Variants in LAMTOR2 observed in about 807,000 individuals in gnomAD.
The protein encoded by LAMTOR2 is ragulator complex protein LAMTOR2.
LAMTOR2 carries 4 observed loss-of-function variants against 15.8 expected under a neutral mutation model. That is an observed-to-expected ratio of 0.25 (90% CI 0.12 to 0.58). LAMTOR2 has a LOEUF of 0.58. Ranked by LOEUF, LAMTOR2 falls within the 20% of genes least tolerant of loss-of-function variation. LAMTOR2 has a pLI of 0.91. For missense variants in LAMTOR2, 100 were observed against 161.0 expected, an observed-to-expected ratio of 0.62 and a Z score of 2.05; for synonymous variants, 62 against 64.1, an observed-to-expected ratio of 0.97 and a Z score of 0.15.
Position 156,055,877 on chromosome 1 carries a change from C to A in LAMTOR2, c.231+452C>A. Reference sequence around the variant, plus strand: ...ACCATGGCAGTCTCCAGACCCTAGTCCAACCCCTTAAGCTTTCAAAGAAAG... The same window carrying A: ...ACCATGGCAGTCTCCAGACCCTAGTACAACCCCTTAAGCTTTCAAAGAAAG... On this transcript the variant is annotated intron_variant, in intron 2 of 3. Coordinates refer to ENST00000368305, the MANE Select transcript of LAMTOR2 (RefSeq NM_014017.4). The surrounding 1 kb of genome is among the most constrained non-coding windows in gnomAD (Gnocchi z 4.8). The A allele has an allele frequency of 4.8e-6, 1 of 210,076 alleles. No individual in the cohort carries two copies. The highest frequency in any genetic ancestry group is 9.9e-6 in the Non-Finnish European group (1 of 100,900). The allele number at this position is 210,076 out of a possible 1,614,324, so 13.0% of individuals were successfully genotyped here. A position where few individuals can be genotyped will look rare whatever the true frequency, so the allele number is the denominator to read the frequency against.
In LAMTOR2 at chr1:156,055,084, C is replaced by A; in HGVS notation, c.68+127C>A. On this transcript the variant is annotated intron_variant, in intron 1 of 3. Coordinates refer to ENST00000368305, the MANE Select transcript of LAMTOR2 (RefSeq NM_014017.4). The surrounding 1 kb of genome is among the most constrained non-coding windows in gnomAD (Gnocchi z 4.8). Reference sequence around the variant, plus strand: ...GCAGAGGGGGCAGCGGCTGGGGATACCGGCCGGGAGGTCCCCTGTCGAAAA... The same window carrying A: ...GCAGAGGGGGCAGCGGCTGGGGATAACGGCCGGGAGGTCCCCTGTCGAAAA... The A allele has an allele frequency of 2.9e-6, 4 of 1,366,360 alleles. No individual in the cohort carries two copies. Among genetic ancestry groups the A allele is most frequent in the Middle Eastern group, 2.5e-4 (1 of 3,962 alleles). 84.6% of individuals were successfully genotyped at this position (1,366,360 alleles called of 1,614,324 possible).
rs576303599 is a variant in LAMTOR2 at position 156,055,057 on chromosome 1, C to T, written c.68+100C>T. ...GAAGGATCACCAGGAAGGGAGGAAG[C>T]GGCAGAGGGGGCAGCGGCTGGGGAT... On this transcript the variant is annotated intron_variant, in intron 1 of 3. Transcript: ENST00000368305. This position sits in a 1 kb window ranked among gnomAD's most constrained non-coding sequence, Gnocchi z 4.8. 9 of 1,428,494 alleles carry T rather than the reference C, an allele frequency of 6.3e-6. No homozygotes were observed. The highest frequency in any genetic ancestry group is 2.4e-4 in the Middle Eastern group (1 of 4,198). 88.5% of individuals were successfully genotyped at this position (1,428,494 alleles called of 1,614,324 possible). A position where few individuals can be genotyped will look rare whatever the true frequency, so the allele number is the denominator to read the frequency against.
intron 2 of LAMTOR2, among the ~76,000 whole-genome samples, chr1:156,057,468 A>G (rs759322235): frequency 7.9e-5 from 12 of 151,070 alleles, no homozygotes; most frequent in Non-Finnish European, 1.2e-4. Context: ...AATATACTTC[A>G]TTTTTTCTTT....
At position 156,054,942 on chromosome 1, in the gene LAMTOR2, G is replaced by A; in HGVS notation, c.53G>A (p.Gly18Asp). The A allele has an allele frequency of 6.2e-7, 1 of 1,612,582 alleles. No homozygotes were observed. The highest frequency in any genetic ancestry group is 8.5e-7 in the Non-Finnish European group (1 of 1,179,752). Residue 18 changes from glycine to aspartate, a missense_variant, in exon 1 of 4, where the codon GGC becomes GAC. Physicochemically the swap from Gly to Asp is moderately conservative, Grantham distance 94 (BLOSUM62 -1). Coordinates refer to ENST00000368305, the MANE Select transcript of LAMTOR2 (RefSeq NM_014017.4). ...TQVLSQANTGGVQSTLLLNNE... is the reference protein window; with the variant it reads ...TQVLSQANTGDVQSTLLLNNE... Reference sequence around the variant, plus strand: ...GTGCTAAGCCAAGCCAACACTGGAGGCGTCCAGAGCACCCTGTGAGTGCAG... The same window carrying A: ...GTGCTAAGCCAAGCCAACACTGGAGACGTCCAGAGCACCCTGTGAGTGCAG...
In LAMTOR2 at chr1:156,054,813, G is replaced by C; in HGVS notation, c.-77G>C. On this transcript the variant is annotated 5_prime_UTR_variant, in exon 1 of 4. Coordinates refer to ENST00000368305, the MANE Select transcript of LAMTOR2 (RefSeq NM_014017.4). Reference sequence around the variant, plus strand: ...TCCCGGAGCAGGCCAACGGGACTACGGGAAGCAGCGGGCAGCGGCCCGCGG... The same window carrying C: ...TCCCGGAGCAGGCCAACGGGACTACCGGAAGCAGCGGGCAGCGGCCCGCGG... 3 of 1,461,182 alleles carry C rather than the reference G, an allele frequency of 2.1e-6. No individual in the cohort carries two copies. In the East Asian group the frequency reaches 7.1e-5, roughly 34 times the overall value. 90.5% of individuals were successfully genotyped at this position (1,461,182 alleles called of 1,614,324 possible).
intron 2 of LAMTOR2, among the ~76,000 whole-genome samples, chr1:156,057,399 A>G (rs1364961277): frequency 6.6e-6 from 1 of 152,172 alleles, no homozygotes; most frequent in Non-Finnish European, 1.5e-5. Context: ...TCAGAGCTCA[A>G]CACACACATA....
chr1:156,056,915 C>T (rs1419750324), intron 2 of LAMTOR2, among the ~76,000 whole-genome samples: 3 of 152,172 alleles, frequency 2.0e-5, no homozygotes, highest in South Asian at 2.1e-4. Flanking sequence ...CATGGTGGCT[C>T]ATGCCTGTAA....
chr1:156,055,114 A>G lies in LAMTOR2; in HGVS notation c.69-149A>G, dbSNP rs1055146131. 1 of 1,371,004 alleles carries G rather than the reference A, an allele frequency of 7.3e-7. No homozygotes were observed. The highest frequency in any genetic ancestry group is 1.0e-6 in the Non-Finnish European group (1 of 967,252). 84.9% of individuals were successfully genotyped at this position (1,371,004 alleles called of 1,614,324 possible). A position where few individuals can be genotyped will look rare whatever the true frequency, so the allele number is the denominator to read the frequency against. The stretch of plus-strand genomic sequence containing the variant: ...CGGGAGGTCCCCTGTCGAAAAGGGA[A>G]GCCGGTGTGCTGGGTGCTTAGGGCA... On this transcript the variant is annotated intron_variant, in intron 1 of 3. Transcript: ENST00000368305. The surrounding 1 kb of genome is among the most constrained non-coding windows in gnomAD (Gnocchi z 4.8).
At position 156,055,671 on chromosome 1, in the gene LAMTOR2, C is replaced by A; in HGVS notation, c.231+246C>A. 1.8e-6 allele frequency: 1 copy of A among 554,102 alleles called. No homozygotes were observed. The allele number at this position is 554,102 out of a possible 1,614,324, so 34.3% of individuals were successfully genotyped here. ...GCCATCCACTTATCAGTTGTGGAAC[C>A]TTGGGTAAGTCGCTTAACCTCTCTC... On this transcript the variant is annotated intron_variant, in intron 2 of 3. Coordinates refer to ENST00000368305, the MANE Select transcript of LAMTOR2 (RefSeq NM_014017.4). The surrounding 1 kb of genome is among the most constrained non-coding windows in gnomAD (Gnocchi z 4.8).
At chr1:156,058,130 A>G in intron 3 of LAMTOR2, 63 bp downstream of exon 3, 1 of 1,545,236 alleles carries the variant, frequency 6.5e-7, no homozygotes, top group Non-Finnish European at 8.9e-7. Flanking sequence ...CACTGTGTTC[A>G]CTCCCACCAG....
rs1647428523 is a variant in LAMTOR2, at chr1:156,057,962, A to AT, written c.232-15dup. On this transcript the variant is annotated splice_polypyrimidine_tract_variant and intron_variant, in intron 2 of 3. Coordinates refer to ENST00000368305, the MANE Select transcript of LAMTOR2 (RefSeq NM_014017.4). ...GCCAAGCAGAACATCACATCCCATC[A>AT]TATCACCCCCACCAGGAGGGCCGTG... The AT allele has an allele frequency of 1.2e-6, 2 of 1,612,852 alleles. No homozygotes were observed. The highest frequency in any genetic ancestry group is 2.7e-5 in the African/African-American group (2 of 74,810).
At chr1:156,056,624 G>T (rs111593253) in intron 2 of LAMTOR2, among the ~76,000 whole-genome samples, 1 of 152,184 alleles carries the variant, frequency 6.6e-6, no homozygotes, top group Non-Finnish European at 1.5e-5. Context: ...GGTCAGAGAG[G>T]CAGGGAGTGC....
chr1:156,056,401 A>G (rs1162208149), intron 2 of LAMTOR2, among the ~76,000 whole-genome samples: 1 of 152,226 alleles, frequency 6.6e-6, no homozygotes, highest in Non-Finnish European at 1.5e-5. Flanking sequence ...TGTTGGGTGT[A>G]TGTGTCAGGG....
chr1:156,058,110 C>T (rs763371132), intron 3 of LAMTOR2, 43 bp downstream of exon 3: 13 of 1,586,076 alleles, frequency 8.2e-6, no homozygotes, highest in South Asian at 3.3e-5. Flanking sequence ...GCCCAGCCTT[C>T]GTGCTTCTAC....
chr1:156,055,348 A>G lies in LAMTOR2; in HGVS notation c.154A>G (p.Ile52Val). ...GGTCACCGCTGCCATAGCCAGTAAC[A>G]TCTGGGCCGCCTACGACCGGAACGG... is the stretch of plus-strand genomic sequence containing the variant. ...ARVTAAIASN[I>V]WAAYDRNGNQ... The change falls in exon 2 of 4, where the codon ATC becomes GTC. Residue 52 changes from isoleucine (I) to valine (V), a missense_variant. By Grantham distance (29) the Ile-to-Val change is conservative (BLOSUM62 3). Transcript: ENST00000368305. This position sits in a 1 kb window ranked among gnomAD's most constrained non-coding sequence, Gnocchi z 4.8. 6.2e-7 allele frequency: 1 copy of G among 1,614,226 alleles called. No individual in the cohort carries two copies. The highest frequency in any genetic ancestry group is 8.5e-7 in the Non-Finnish European group (1 of 1,180,032).
Position 156,054,820 on chromosome 1 carries a change from A to G in LAMTOR2, c.-70A>G. The G allele has an allele frequency of 6.7e-7, 1 of 1,492,790 alleles. No homozygotes were observed. Among genetic ancestry groups the G allele is most frequent in the African/African-American group, 1.4e-5 (1 of 72,574 alleles). 92.5% of individuals were successfully genotyped at this position (1,492,790 alleles called of 1,614,324 possible). On this transcript the variant is annotated 5_prime_UTR_variant, in exon 1 of 4. Coordinates refer to ENST00000368305, the MANE Select transcript of LAMTOR2 (RefSeq NM_014017.4). ...GCAGGCCAACGGGACTACGGGAAGCAGCGGGCAGCGGCCCGCGGGAGGCAC... is the reference window on the plus strand; with the variant it reads ...GCAGGCCAACGGGACTACGGGAAGCGGCGGGCAGCGGCCCGCGGGAGGCAC...
Position 156,055,555 on chromosome 1 carries a change from G to A in LAMTOR2, c.231+130G>A, listed in dbSNP as rs1162264052. On this transcript the variant is annotated intron_variant, in intron 2 of 3. Coordinates refer to ENST00000368305, the MANE Select transcript of LAMTOR2 (RefSeq NM_014017.4). This position sits in a 1 kb window ranked among gnomAD's most constrained non-coding sequence, Gnocchi z 4.8. ...GAAGATTACTAAGAGTTGGTCTGCA[G>A]CAGCATTTGTAATAGGCAGGACCCT... 6 of 1,055,362 alleles carry A rather than the reference G, an allele frequency of 5.7e-6. No homozygotes were observed. The East Asian group carries it at 1.5e-4, about 26-fold the overall frequency. The allele number at this position is 1,055,362 out of a possible 1,614,324, so 65.4% of individuals were successfully genotyped here. A position where few individuals can be genotyped will look rare whatever the true frequency, so the allele number is the denominator to read the frequency against.
intron 2 of LAMTOR2, 74 bp from the exon 3 acceptor site, chr1:156,057,904 G>C: frequency 7.2e-7 from 1 of 1,393,754 alleles, no homozygotes; most frequent in Middle Eastern, 1.8e-4. Context: ...TCTGGGGCCA[G>C]AGAAGCCTTT....
At chr1:156,056,803 A>G (rs1269326704) in intron 2 of LAMTOR2, among the ~76,000 whole-genome samples, 2 of 152,220 alleles carry the variant, frequency 1.3e-5, no homozygotes, top group African/African-American at 4.8e-5. Context: ...TTAGTTCAAC[A>G]TATGACTCCT....
Sources: allele counts gnomAD v4.1 joint callset (sites outside exome capture counted in the v4.1 genomes callset), GRCh38; gene constraint gnomAD v4.1.1; non-coding constraint Gnocchi (gnomAD v3.1); transcripts MANE v1.5; gene names NCBI Gene and HGNC (gene_info 2026-07-23, HGNC 2026-07-21).